POU2F1: variants seen among roughly 807,000 people sequenced by gnomAD.
POU2F1 encodes the protein POU domain, class 2, transcription factor 1.
A neutral mutation model predicts 84.9 loss-of-function variants in POU2F1; 16 were observed. The observed-to-expected ratio is 0.19, with a 90% CI of 0.13 to 0.29. POU2F1 has a LOEUF of 0.29. POU2F1 is among the 10% of genes least tolerant of loss of function. The pLI, the probability that POU2F1 is intolerant of heterozygous loss-of-function variation, is 1.00. For missense variants in POU2F1, 738 were observed against 942.6 expected (o/e 0.78, Z 2.84); for synonymous variants, 368 against 368.3 (o/e 1.00, Z 0.01).
chr1:167,357,737 T>C (rs2101806875), intron 2 of POU2F1, among the ~76,000 whole-genome samples: 1 of 151,932 alleles, frequency 6.6e-6, no homozygotes, highest in Middle Eastern at 3.4e-3. Flanking sequence ...GTTTTATGCA[T>C]CTTTTGAGAT....
intron 1 of POU2F1, among the ~76,000 whole-genome samples, chr1:167,297,662 C>T (rs181099107): frequency 6.8e-4 from 103 of 152,294 alleles, no homozygotes; most frequent in Middle Eastern, 3.4e-3. Context: ...CTTTCCTTGT[C>T]CTTGCTCTTA....
chr1:167,246,923 C>G (rs781010269), intron 1 of POU2F1, among the ~76,000 whole-genome samples: 2 of 151,872 alleles, frequency 1.3e-5, no homozygotes, highest in Non-Finnish European at 2.9e-5. Context: ...GACAGTAAAT[C>G]GATTAGTTTA....
At chr1:167,251,194 T>C (rs930720068) in intron 1 of POU2F1, among the ~76,000 whole-genome samples, 1 of 151,718 alleles carries the variant, frequency 6.6e-6, no homozygotes, top group African/African-American at 2.4e-5. Context: ...AGCCCAGGAG[T>C]GTGAGACCAG....
intron 1 of POU2F1, among the ~76,000 whole-genome samples, chr1:167,276,547 G>T (rs977858727): frequency 1.3e-5 from 2 of 151,950 alleles, no homozygotes; most frequent in African/African-American, 4.8e-5. Context: ...AGATAAGAGG[G>T]GACTATATTC....
rs186567189 is a variant in POU2F1 at position 167,311,894 on chromosome 1, C to A, written c.62-20576C>A. On this transcript the variant is annotated intron_variant, in intron 1 of 15. Coordinates refer to ENST00000367866, the MANE Select transcript of POU2F1 (RefSeq NM_002697.4). ...CTTGGCTCACTGCAGCCTCCACCTC[C>A]TTGGTTCAAGCAATTCCCCTGCACA... 2.6e-5 allele frequency among the ~76,000 whole-genome samples: 4 copies of A among 151,120 alleles called. No homozygotes were observed. The East Asian group carries it at 7.8e-4, about 30-fold the overall frequency.
intron 1 of POU2F1, among the ~76,000 whole-genome samples, chr1:167,311,564 T>A (rs547374047): frequency 3.3e-5 from 5 of 152,306 alleles, no homozygotes. Context: ...CCATAGGTTA[T>A]AATGGAACTG....
chr1:167,257,222 A>G (rs572957757), intron 1 of POU2F1, among the ~76,000 whole-genome samples: 6 of 152,288 alleles, frequency 3.9e-5, no homozygotes, highest in East Asian at 3.9e-4. Context: ...CATTGGCACT[A>G]CTTTTTCTTT....
At chr1:167,269,927 AAAG>A (rs1278771646) in intron 1 of POU2F1, among the ~76,000 whole-genome samples, 1 of 151,826 alleles carries the variant, frequency 6.6e-6, no homozygotes, top group Admixed American at 6.6e-5. Context: ...AAAAAAAAAA[AAAG>A]AGTAAGAGTC....
intron 1 of POU2F1, among the ~76,000 whole-genome samples, chr1:167,322,161 A>G (rs566876456): frequency 6.6e-6 from 1 of 152,248 alleles, no homozygotes; most frequent in East Asian, 1.9e-4. Context: ...CAGGTAGGAC[A>G]TTTATCAGTA....
At chr1:167,317,233 A>G (rs945879894) in intron 1 of POU2F1, among the ~76,000 whole-genome samples, 1 of 152,116 alleles carries the variant, frequency 6.6e-6, no homozygotes, top group African/African-American at 2.4e-5. Context: ...ACAAATTACT[A>G]TATGGTCCTG....
chr1:167,400,171 G>C (rs2101916091), intron 12 of POU2F1, among the ~76,000 whole-genome samples: 1 of 149,188 alleles, frequency 6.7e-6, no homozygotes, highest in South Asian at 2.1e-4. Context: ...ATTTTTAGTT[G>C]AGACCAGGGT....
Position 167,389,580 on chromosome 1 carries a change from T to A in POU2F1, c.814-8T>A, listed in dbSNP as rs1648239213. ...TTTTTCCTCATTGTTTTATTCTTTC[T>A]CCAACAGCCAGCAACCCCAACACGC... On this transcript the variant is annotated splice_region_variant and splice_polypyrimidine_tract_variant and intron_variant, in intron 8 of 15. Transcript: ENST00000367866. 1 of 1,613,950 alleles carries A rather than the reference T, an allele frequency of 6.2e-7. No individual in the cohort carries two copies. The highest frequency in any genetic ancestry group is 1.3e-5 in the African/African-American group (1 of 75,026).
At chr1:167,345,614 C>T (rs1424127417) in intron 2 of POU2F1, among the ~76,000 whole-genome samples, 1 of 152,188 alleles carries the variant, frequency 6.6e-6, no homozygotes, top group African/African-American at 2.4e-5. Flanking sequence ...AACTGGCTCA[C>T]ATCCTACAGG....
rs1256243426 is a variant in POU2F1, at chr1:167,220,947, C to T, written c.50C>T (p.Ala17Val). The T allele has an allele frequency of 2.0e-6, 3 of 1,533,996 alleles. No homozygotes were observed. The highest frequency in any genetic ancestry group is 2.6e-6 in the Non-Finnish European group (3 of 1,145,834). Residue 17 changes from alanine to valine, a missense_variant, in exon 1 of 16, where the codon GCA (alanine) becomes GTA (valine). Transcript: ENST00000367866. ...CAAGATGAGAGTTCAGCCGCGGCGG[C>T]AGCAGCAGCAGGTAATCATTACAGC... The part of the protein sequence containing the change: ...ASQDESSAAA[A>V]AAADSRMNNP...
intron 2 of POU2F1, among the ~76,000 whole-genome samples, chr1:167,349,406 C>A (rs978470790): frequency 6.6e-6 from 1 of 152,048 alleles, no homozygotes; most frequent in African/African-American, 2.4e-5. Flanking sequence ...ATCCCTTTTC[C>A]TCTTTATTTT....
At chr1:167,263,995 G>A (rs550584686) in intron 1 of POU2F1, among the ~76,000 whole-genome samples, 1 of 152,280 alleles carries the variant, frequency 6.6e-6, no homozygotes, top group African/African-American at 2.4e-5. Context: ...CCTGGGTTAT[G>A]ATGGTAAGTG....
rs58988722 is a variant in POU2F1 at position 167,237,746 on chromosome 1, GTATATA to G, written c.61+16810_61+16815del. Among the ~76,000 whole-genome samples, 616 of 72,888 alleles carry G rather than the reference GTATATA, an allele frequency of 8.5e-3. 18 individuals are homozygous for G. Among genetic ancestry groups the G allele is most frequent in the African/African-American group, 0.029 (529 of 18,546 alleles). 47.8% of individuals were successfully genotyped at this position (72,888 alleles called of 152,430 possible). On this transcript the variant is annotated intron_variant, in intron 1 of 15. Transcript: ENST00000367866. The stretch of plus-strand genomic sequence containing the variant: ...TTTTTAAATCCATATATGTGTGTGT[GTATATA>G]TATATATATATATATATATATTTTT...
At chr1:167,411,811 A>G in intron 13 of POU2F1, 148 bp from the exon 14 acceptor site, 1 of 720,068 alleles carries the variant, frequency 1.4e-6, no homozygotes, top group African/African-American at 1.8e-5. Context: ...GTTAATTTCC[A>G]TAAAAGCACT....
intron 1 of POU2F1, among the ~76,000 whole-genome samples, chr1:167,227,357 CCT>C (rs1001030730): frequency 1.3e-5 from 2 of 152,162 alleles, no homozygotes; most frequent in South Asian, 2.1e-4. Context: ...GGTTTCCCCC[CCT>C]CTGTTGAACT....
Sources: allele counts gnomAD v4.1 joint callset (sites outside exome capture counted in the v4.1 genomes callset), GRCh38; gene constraint gnomAD v4.1.1; transcripts MANE v1.5; gene names NCBI Gene and HGNC (gene_info 2026-07-23, HGNC 2026-07-21).